PCDHA11: variants seen among roughly 807,000 people sequenced by gnomAD.
The protein encoded by PCDHA11 is protocadherin alpha 11.
A neutral mutation model predicts 70.3 loss-of-function variants in PCDHA11; 61 were observed. The observed-to-expected ratio is 0.87, with a 90% confidence interval of 0.71 to 1.07. The LOEUF is 1.07. PCDHA11 is among the 50% of genes least tolerant of loss of function. The pLI, the probability that PCDHA11 is intolerant of heterozygous loss-of-function variation, is 0.00. For missense variants in PCDHA11, 1,324 were observed against 1,237.5 expected, an observed-to-expected ratio of 1.07 and a Z score of -1.05; for synonymous variants, 633 against 555.1, an observed-to-expected ratio of 1.14 and a Z score of -1.97.
At chr5:140,877,987 CT>C (rs2057428803) in intron 1 of PCDHA11, 14 of 1,151,184 alleles carry the variant, frequency 1.2e-5, no homozygotes, top group Non-Finnish European at 1.6e-5. Context: ...TCATTTTGAA[CT>C]TTTATGTATT....
chr5:140,910,183 A>C (rs2074920018), intron 1 of PCDHA11, among the ~76,000 whole-genome samples: 1 of 152,238 alleles, frequency 6.6e-6, no homozygotes, highest in Non-Finnish European at 1.5e-5. Context: ...TTTATAATTC[A>C]AATTAGTCTT....
At chr5:140,942,109 A>G (rs534603504) in intron 1 of PCDHA11, among the ~76,000 whole-genome samples, 55 of 152,334 alleles carry the variant, frequency 3.6e-4, no homozygotes, top group African/African-American at 1.3e-3. Flanking sequence ...CATATAATCA[A>G]ACTTTATTAA....
intron 1 of PCDHA11, among the ~76,000 whole-genome samples, chr5:140,892,256 A>AT (rs1283359328): frequency 6.6e-6 from 1 of 151,996 alleles, no homozygotes; most frequent in Non-Finnish European, 1.5e-5. Context: ...GTTATCTTTG[A>AT]TTTTGTGCTG....
intron 1 of PCDHA11, among the ~76,000 whole-genome samples, chr5:140,936,053 C>T (rs576745037): frequency 1.2e-4 from 18 of 152,052 alleles, no homozygotes; most frequent in Middle Eastern, 3.4e-3. Flanking sequence ...CCACCACACC[C>T]GGCTAATTTT....
intron 3 of PCDHA11, among the ~76,000 whole-genome samples, chr5:140,985,060 C>A (rs1377386395): frequency 6.6e-6 from 1 of 152,066 alleles, no homozygotes; most frequent in Admixed American, 6.5e-5. Flanking sequence ...GCCTCAGCCT[C>A]CTGAGTAGCT....
chr5:140,924,896 AAAAAAAAAAT>A (rs1244420537), intron 1 of PCDHA11, among the ~76,000 whole-genome samples: 4 of 69,138 alleles, frequency 5.8e-5, no homozygotes, highest in African/African-American at 1.0e-4. Flanking sequence ...ACCTGTCTCA[AAAAAAAAAAT>A]AAAATAAAAT....
chr5:140,995,949 G>T (rs781875497), intron 3 of PCDHA11, among the ~76,000 whole-genome samples: 1 of 152,160 alleles, frequency 6.6e-6, no homozygotes, highest in African/African-American at 2.4e-5. Context: ...CATAATGCAC[G>T]CAAAATGCTT....
At chr5:140,893,881 C>T (rs1385683702) in intron 1 of PCDHA11, among the ~76,000 whole-genome samples, 1 of 152,066 alleles carries the variant, frequency 6.6e-6, no homozygotes, top group Non-Finnish European at 1.5e-5. Flanking sequence ...TCCAAAGTGG[C>T]CAGAAAGTTA....
intron 1 of PCDHA11, chr5:140,928,661 G>A (rs1554206119): frequency 6.2e-7 from 1 of 1,614,218 alleles, no homozygotes; most frequent in Non-Finnish European, 8.5e-7. Flanking sequence ...GATGCTGACA[G>A]TGGTTCTAAT....
At chr5:140,907,071 C>T (rs1220660624) in intron 1 of PCDHA11, among the ~76,000 whole-genome samples, 1 of 152,156 alleles carries the variant, frequency 6.6e-6, no homozygotes, top group African/African-American at 2.4e-5. Flanking sequence ...TAGTGGGTCA[C>T]TAGGGGTGAT....
chr5:140,944,799 G>A (rs1160069845), intron 1 of PCDHA11, among the ~76,000 whole-genome samples: 2 of 152,090 alleles, frequency 1.3e-5, no homozygotes, highest in Non-Finnish European at 2.9e-5. Flanking sequence ...CAAGTCTGTC[G>A]AGGGTCCACA....
chr5:140,937,644 G>A (rs1554211697), intron 1 of PCDHA11, among the ~76,000 whole-genome samples: 1 of 151,048 alleles, frequency 6.6e-6, no homozygotes, highest in African/African-American at 2.4e-5. Flanking sequence ...AGGGCATGGT[G>A]GCTCACGCCT....
intron 1 of PCDHA11, among the ~76,000 whole-genome samples, chr5:140,926,141 A>G (rs2082938262): frequency 6.6e-6 from 1 of 152,038 alleles, no homozygotes; most frequent in Non-Finnish European, 1.5e-5. Flanking sequence ...AGCAGGATCC[A>G]GCGCGGAAAG....
At chr5:140,894,632 TATC>T (rs1161134901) in intron 1 of PCDHA11, among the ~76,000 whole-genome samples, 1 of 151,990 alleles carries the variant, frequency 6.6e-6, no homozygotes, top group Non-Finnish European at 1.5e-5. Context: ...TCTCCAATCA[TATC>T]ATTACTGAGT....
chr5:140,964,579 G>A (rs2095841483), intron 1 of PCDHA11, among the ~76,000 whole-genome samples: 1 of 152,090 alleles, frequency 6.6e-6, no homozygotes, highest in Non-Finnish European at 1.5e-5. Flanking sequence ...ATAAGGGGAG[G>A]AAAGATCACT....
chr5:140,910,976 A>G (rs1265082758), intron 1 of PCDHA11, among the ~76,000 whole-genome samples: 1 of 152,058 alleles, frequency 6.6e-6, no homozygotes, highest in Non-Finnish European at 1.5e-5. Context: ...CTCATGGGTT[A>G]TACTCTGAAC....
intron 1 of PCDHA11, among the ~76,000 whole-genome samples, chr5:140,952,125 A>G (rs1027710629): frequency 6.6e-6 from 1 of 152,092 alleles, no homozygotes; most frequent in African/African-American, 2.4e-5. Context: ...TGGGCTCCCA[A>G]GGCCTTGGGA....
At chr5:140,967,155 C>A (rs1554229255) in intron 1 of PCDHA11, 1 of 1,610,598 alleles carries the variant, frequency 6.2e-7, no homozygotes, top group Admixed American at 1.7e-5. Context: ...AACCCCGTGG[C>A]GGTGAGCGCC....
At chr5:140,968,273 G>A in intron 1 of PCDHA11, 1 of 1,614,080 alleles carries the variant, frequency 6.2e-7, no homozygotes, top group African/African-American at 1.3e-5. Context: ...GGAGAATGCA[G>A]AGGTGACCTA....
Sources: allele counts gnomAD v4.1 joint callset (sites outside exome capture counted in the v4.1 genomes callset), GRCh38; gene constraint gnomAD v4.1.1; transcripts MANE v1.5; gene names NCBI Gene and HGNC (gene_info 2026-07-23, HGNC 2026-07-21).